Variants in SSX2IP observed in about 807,000 individuals in gnomAD.
The protein encoded by SSX2IP is SSX family member 2 interacting protein.
In SSX2IP, 55 loss-of-function variants were observed where a neutral mutation model predicts 84.9. The observed-to-expected ratio is 0.65, with a 90% CI of 0.52 to 0.81. The LOEUF is 0.81. Ranked by LOEUF, SSX2IP falls within the 30% of genes least tolerant of loss-of-function variation. The pLI is 0.00. For missense variants in SSX2IP, 664 were observed against 705.2 expected (o/e 0.94, Z 0.66); for synonymous variants, 239 against 234.7 (o/e 1.02, Z -0.17).
intron 1 of SSX2IP, among the ~76,000 whole-genome samples, chr1:84,682,659 C>T (rs974676210): frequency 8.6e-5 from 13 of 151,896 alleles, no homozygotes; most frequent in South Asian, 2.1e-4. Context: ...CGCATGCCAC[C>T]GCACCTGCTA....
At chr1:84,660,217 A>G (rs911418085) in intron 8 of SSX2IP, among the ~76,000 whole-genome samples, 28 of 152,210 alleles carry the variant, frequency 1.8e-4, no homozygotes, top group African/African-American at 6.8e-4. Flanking sequence ...ACTAGAATAT[A>G]TATTTAAGAG....
At chr1:84,674,144 C>G (rs1653963728) in intron 1 of SSX2IP, among the ~76,000 whole-genome samples, 1 of 152,160 alleles carries the variant, frequency 6.6e-6, no homozygotes, top group Admixed American at 6.5e-5. Flanking sequence ...CTGAGCCATA[C>G]CTCTCTGATA....
At chr1:84,659,218 A>C (rs2102288257) in intron 8 of SSX2IP, among the ~76,000 whole-genome samples, 1 of 152,374 alleles carries the variant, frequency 6.6e-6, no homozygotes, top group African/African-American at 2.4e-5. Context: ...AAGAAAGATA[A>C]AAGATGAAAA....
At chr1:84,666,995 GAAGGTACAGAAAATGTA>G (rs1652859730) in intron 4 of SSX2IP, among the ~76,000 whole-genome samples, 1 of 152,078 alleles carries the variant, frequency 6.6e-6, no homozygotes, top group Non-Finnish European at 1.5e-5. Context: ...CAGATCTCAA[GAAGGTACAGAAAATGTA>G]GGAGTATAAC....
At chr1:84,658,136 A>C (rs2994440) in intron 9 of SSX2IP, 182 bp downstream of exon 9, 2 of 677,864 alleles carry the variant, frequency 3.0e-6, no homozygotes, top group African/African-American at 3.7e-5. Context: ...GTTCTGTCTC[A>C]AAAAGTAAAA....
At chr1:84,683,918 T>C (rs1655430839) in intron 1 of SSX2IP, among the ~76,000 whole-genome samples, 1 of 152,078 alleles carries the variant, frequency 6.6e-6, no homozygotes, top group Non-Finnish European at 1.5e-5. Context: ...TCTTAGAAGA[T>C]TATTAAGAAA....
intron 1 of SSX2IP, among the ~76,000 whole-genome samples, chr1:84,674,575 T>C (rs1370586957): frequency 6.6e-6 from 1 of 152,190 alleles, no homozygotes; most frequent in Non-Finnish European, 1.5e-5. Flanking sequence ...GTGTCTTTTC[T>C]CCTTATACAG....
chr1:84,672,950 G>A (rs12120614), intron 1 of SSX2IP, among the ~76,000 whole-genome samples: 26,298 of 152,126 alleles, frequency 0.17, 2,374 homozygotes, highest in South Asian at 0.22. Context: ...CCTTGAACCC[G>A]GGAGGCAAGG....
At position 84,656,467 on chromosome 1, in the gene SSX2IP, C is replaced by A; in HGVS notation, c.1096G>T (p.Glu366Ter). 6.2e-7 allele frequency: 1 copy of A among 1,611,688 alleles called. No individual in the cohort carries two copies. ...LDNQVSKVHL[E>*]GFNDEDVISR... Reference sequence around the variant, plus strand: ...ATTACATCTTCATCATTAAAACCTTCCAGGTGTACCTTTGAAACTAAGACA... The same window carrying A: ...ATTACATCTTCATCATTAAAACCTTACAGGTGTACCTTTGAAACTAAGACA... The change falls in exon 10 of 14, where the codon GAA becomes TAA. Residue 366 changes from glutamate (E) to a stop codon, truncating the protein, a stop_gained. Transcript: ENST00000342203. LOFTEE classifies it high-confidence loss of function.
intron 5 of SSX2IP, 87 bp downstream of exon 5, chr1:84,666,035 T>C: frequency 1.1e-6 from 1 of 946,712 alleles, no homozygotes; most frequent in African/African-American, 1.7e-5. Context: ...CTTTCTTTTT[T>C]CAAGTAAAGT....
chr1:84,666,178 G>C lies in SSX2IP; in HGVS notation c.481C>G (p.Gln161Glu), dbSNP rs1345495105. ...AAATTCCTGTTCTTACATTGTAACT[G>C]TCTGTCTCTTTCCTGAAGCCCAATC... ...EMIGLQERDRQLQCKNRNLHQ... is the reference protein window; with the variant it reads ...EMIGLQERDRELQCKNRNLHQ... The change falls in exon 5 of 14, where the codon CAG (glutamine) becomes GAG (glutamate). Residue 161 changes from glutamine to glutamate, a missense_variant. Coordinates refer to ENST00000342203, the MANE Select transcript of SSX2IP (RefSeq NM_001166293.2). 4.3e-6 allele frequency: 7 copies of C among 1,612,660 alleles called. No homozygotes were observed. The African/African-American group carries it at 9.4e-5, about 22-fold the overall frequency.
intron 6 of SSX2IP, 65 bp from the exon 7 acceptor site, chr1:84,662,595 C>A (rs1011401660): frequency 7.1e-6 from 11 of 1,551,452 alleles, no homozygotes; most frequent in African/African-American, 2.7e-5. Context: ...AACTCTAATG[C>A]ATTCTATACA....
Position 84,647,287 on chromosome 1 carries a change from C to T in SSX2IP, c.*146G>A, listed in dbSNP as rs577157689. ...CTTTTAAATAGATTTAAGATTTCAA[C>T]TCTTTGGGGGAAGACAGGGAAGTCC... On this transcript the variant is annotated 3_prime_UTR_variant, in exon 14 of 14. Transcript: ENST00000342203. 10 of 597,140 alleles carry T rather than the reference C, an allele frequency of 1.7e-5. No individual in the cohort carries two copies. In the East Asian group the frequency reaches 2.8e-4, roughly 17 times the overall value. The allele number at this position is 597,140 out of a possible 1,614,324, so 37.0% of individuals were successfully genotyped here. A position where few individuals can be genotyped will look rare whatever the true frequency, so the allele number is the denominator to read the frequency against.
intron 6 of SSX2IP, among the ~76,000 whole-genome samples, chr1:84,663,738 A>T (rs2911565): frequency 0.72 from 109,134 of 151,960 alleles, 39,520 homozygotes; most frequent in Non-Finnish European, 0.77. Context: ...TATAGTCACT[A>T]GGAAACCACT....
At chr1:84,673,855 C>T (rs1318075209) in intron 1 of SSX2IP, among the ~76,000 whole-genome samples, 1 of 152,178 alleles carries the variant, frequency 6.6e-6, no homozygotes, top group Non-Finnish European at 1.5e-5. Flanking sequence ...ATGTTACACA[C>T]ACACACAGAC....
intron 6 of SSX2IP, among the ~76,000 whole-genome samples, chr1:84,663,745 C>T (rs143251000): frequency 6.6e-6 from 1 of 152,224 alleles, no homozygotes; most frequent in African/African-American, 2.4e-5. Context: ...ACTAGGAAAC[C>T]ACTCTTCAAT....
intron 2 of SSX2IP, among the ~76,000 whole-genome samples, 175 bp from the exon 3 acceptor site, chr1:84,670,990 T>C (rs1653489836): frequency 6.6e-6 from 1 of 152,220 alleles, no homozygotes; most frequent in Non-Finnish European, 1.5e-5. Context: ...ATGAAAATGA[T>C]ATACTTTTTT....
chr1:84,671,457 G>A (rs2102441276), intron 1 of SSX2IP, 149 bp from the exon 2 acceptor site: 2 of 476,572 alleles, frequency 4.2e-6, no homozygotes, highest in Non-Finnish European at 6.7e-6. Flanking sequence ...CATGGTGTGT[G>A]TATATACATA....
At chr1:84,662,684 C>T (rs953174994) in intron 6 of SSX2IP, among the ~76,000 whole-genome samples, 154 bp from the exon 7 acceptor site, 5 of 152,118 alleles carry the variant, frequency 3.3e-5, no homozygotes, top group East Asian at 1.9e-4. Context: ...TCTAGTTCCA[C>T]CACTTGTAAG....
Sources: gnomAD v4.1 joint callset for allele counts (sites outside exome capture counted in the v4.1 genomes callset) on GRCh38, gnomAD v4.1.1 for gene constraint, MANE v1.5 for transcripts, NCBI Gene and HGNC (gene_info 2026-07-23, HGNC 2026-07-21) for gene names.